Variants in GAS6 observed in about 807,000 individuals in gnomAD.
GAS6 encodes growth arrest specific 6, also known as growth arrest-specific protein 6.
In GAS6, 41 loss-of-function variants were observed where a neutral mutation model predicts 75.8. The ratio of observed to expected loss-of-function variants is 0.54; its 90% CI spans 0.42 to 0.70. GAS6 has a LOEUF of 0.70. GAS6 is among the 30% of genes least tolerant of loss of function. The pLI, the probability that GAS6 is intolerant of heterozygous loss-of-function variation, is 0.00. For missense variants in GAS6, 854 were observed against 940.2 expected, an observed-to-expected ratio of 0.91 and a Z score of 1.20; for synonymous variants, 432 against 412.6, an observed-to-expected ratio of 1.05 and a Z score of -0.57.
chr13:113,828,518 G>A lies in GAS6; in HGVS notation c.1308+29C>T, dbSNP rs112973733. On this transcript the variant is annotated intron_variant, in intron 11 of 14. Transcript: ENST00000327773. Reference sequence around the variant, plus strand: ...TTCCCGGGATCCCAGCACACGGCGCGTCTACACAGGGACAGGTACAGTACT... The same window carrying A: ...TTCCCGGGATCCCAGCACACGGCGCATCTACACAGGGACAGGTACAGTACT... 4.3e-5 allele frequency: 68 copies of A among 1,597,620 alleles called. No homozygotes were observed. The African/African-American group carries it at 4.3e-4, about 10-fold the overall frequency.
intron 2 of GAS6, among the ~76,000 whole-genome samples, chr13:113,858,557 G>A (rs903255651): frequency 3.3e-5 from 5 of 151,150 alleles, no homozygotes; most frequent in Non-Finnish European, 5.9e-5. Context: ...CTGCTAGTAT[G>A]TGCCTTTGTG....
In GAS6 at chr13:113,863,796, C is replaced by A; in HGVS notation, c.88+37G>T. On this transcript the variant is annotated intron_variant, in intron 1 of 14. Transcript: ENST00000327773. The surrounding 1 kb of genome is among the most constrained non-coding windows in gnomAD (Gnocchi z 9.4). The stretch of plus-strand genomic sequence containing the variant: ...AAGCCGCGCCCGGAGCCTCCTCCCG[C>A]CGCCCGGGGACGGGGTCTCGGGCCC... 1 of 1,398,238 alleles carries A rather than the reference C, an allele frequency of 7.2e-7. No homozygotes were observed. Among genetic ancestry groups the A allele is most frequent in the Non-Finnish European group, 9.2e-7 (1 of 1,088,042 alleles). 86.6% of individuals were successfully genotyped at this position (1,398,238 alleles called of 1,614,324 possible).
chr13:113,821,023 G>A lies in GAS6; in HGVS notation c.1883-5C>T, dbSNP rs1308498475. The A allele has an allele frequency of 1.9e-6, 3 of 1,612,148 alleles. No individual in the cohort carries two copies. The highest frequency in any genetic ancestry group is 2.2e-5 in the South Asian group (2 of 91,050). On this transcript the variant is annotated splice_region_variant and splice_polypyrimidine_tract_variant and intron_variant, in intron 14 of 14. Coordinates refer to ENST00000327773, the MANE Select transcript of GAS6 (RefSeq NM_000820.4). ...GCGCTGAAGTCACCGGCACATCTGG[G>A]CCGCAGGGAGAGAACAACATATCTT...
chr13:113,835,673 G>A (rs548714492), intron 6 of GAS6, 38 bp from the exon 7 acceptor site: 119 of 1,604,768 alleles, frequency 7.4e-5, no homozygotes, highest in Non-Finnish European at 9.3e-5. Context: ...GCAGCACAGC[G>A]GCATCTCAGA....
chr13:113,835,550 C>CTCG lies in GAS6; in HGVS notation c.672_674dup (p.Asp224dup). 6.2e-7 allele frequency: 1 copy of CTCG among 1,612,620 alleles called. No individual in the cohort carries two copies. The highest frequency in any genetic ancestry group is 1.3e-5 in the African/African-American group (1 of 75,044). On this transcript the variant is annotated inframe_insertion, in exon 7 of 15. Transcript: ENST00000327773. Reference sequence around the variant, plus strand: ...TCTCCTGGGAGCTGTACGCAAAGCCCTCGTCACAGAGGCAGGAGTAGGAGC... The same window carrying CTCG: ...TCTCCTGGGAGCTGTACGCAAAGCCCTCGTCGTCACAGAGGCAGGAGTAGGAGC...
Position 113,863,135 on chromosome 13 carries a change from C to A in GAS6, c.255+440G>T, listed in dbSNP as rs2051986385. Among the ~76,000 whole-genome samples, 3 of 152,202 alleles carry A rather than the reference C, an allele frequency of 2.0e-5. No homozygotes were observed. Among genetic ancestry groups the A allele is most frequent in the African/African-American group, 7.2e-5 (3 of 41,448 alleles). Reference sequence around the variant, plus strand: ...GGAATCTTATTTTTGGACCTGCTGCCGCAAGCAGTTCCCGCCCTCGGCCCT... The same window carrying A: ...GGAATCTTATTTTTGGACCTGCTGCAGCAAGCAGTTCCCGCCCTCGGCCCT... On this transcript the variant is annotated intron_variant, in intron 2 of 14. Transcript: ENST00000327773. This position sits in a 1 kb window ranked among gnomAD's most constrained non-coding sequence, Gnocchi z 9.4.
rs113513507 is a variant in GAS6 at position 113,824,720 on chromosome 13, G to A, written c.1478-1170C>T. On this transcript the variant is annotated intron_variant, in intron 12 of 14. Transcript: ENST00000327773. ...GTCTCTTTCCCACGGGGCTGTGTACGCCTGAAACCCACATCGCCTGTCCTG... is the reference window on the plus strand; with the variant it reads ...GTCTCTTTCCCACGGGGCTGTGTACACCTGAAACCCACATCGCCTGTCCTG... Among the ~76,000 whole-genome samples, 622 of 151,842 alleles carry A rather than the reference G, an allele frequency of 4.1e-3. 4 individuals carry two copies. The highest frequency in any genetic ancestry group is 0.014 in the African/African-American group (591 of 41,298).
intron 10 of GAS6, among the ~76,000 whole-genome samples, chr13:113,830,486 C>T (rs1186906783): frequency 3.4e-5 from 3 of 88,212 alleles, no homozygotes; most frequent in South Asian, 4.6e-4. Flanking sequence ...CCCTCCTCCC[C>T]GTGGCTCCAT....
chr13:113,823,576 G>C, intron 12 of GAS6, 26 bp from the exon 13 acceptor site: 1 of 1,594,610 alleles, frequency 6.3e-7, no homozygotes, highest in Non-Finnish European at 8.6e-7. Context: ...TGCATTATAG[G>C]GTGGTATGCA....
intron 4 of GAS6, 71 bp from the exon 5 acceptor site, chr13:113,839,921 C>T (rs200389250): frequency 8.1e-6 from 13 of 1,607,914 alleles, no homozygotes; most frequent in East Asian, 6.7e-5. Context: ...CAGCTGAGAT[C>T]GGGGCGGCTG....
intron 11 of GAS6, among the ~76,000 whole-genome samples, chr13:113,828,020 A>G (rs543319918): frequency 6.6e-6 from 1 of 152,210 alleles, no homozygotes; most frequent in Non-Finnish European, 1.5e-5. Flanking sequence ...TCACGCCTGT[A>G]ATCCCAGCAC....
Position 113,844,995 on chromosome 13 carries a change from AAAG to A in GAS6, c.343+1529_343+1531del, listed in dbSNP as rs1426372040. 1.3e-5 allele frequency: 2 copies of A among 150,112 alleles called. No homozygotes were observed. Among genetic ancestry groups the A allele is most frequent in the African/African-American group, 2.5e-5 (1 of 39,574 alleles). 9.3% of individuals were successfully genotyped at this position (150,112 alleles called of 1,614,324 possible). A position where few individuals can be genotyped will look rare whatever the true frequency, so the allele number is the denominator to read the frequency against. ...ATAACAAGTGTGAATACAGAATTTA[AAAG>A]AAGAGACTGGTTTAGCAATCACTAA... On this transcript the variant is annotated intron_variant, in intron 4 of 14. Transcript: ENST00000327773. The surrounding 1 kb of genome is among the most constrained non-coding windows in gnomAD (Gnocchi z 5.7).
At chr13:113,849,530 C>T (rs937018154) in intron 2 of GAS6, among the ~76,000 whole-genome samples, 7 of 152,124 alleles carry the variant, frequency 4.6e-5, no homozygotes, top group Non-Finnish European at 1.0e-4. Context: ...CAAAAGGTGT[C>T]CTTTCAGGTT....
At chr13:113,858,765 G>C (rs936083490) in intron 2 of GAS6, among the ~76,000 whole-genome samples, 2 of 151,954 alleles carry the variant, frequency 1.3e-5, no homozygotes, top group African/African-American at 4.8e-5. Context: ...GTGTGTGCGT[G>C]TCATTATGCA....
rs778121830 is a variant in GAS6 at position 113,844,998 on chromosome 13, G to A, written c.343+1529C>T. ...ACAAGTGTGAATACAGAATTTAAAA[G>A]AAGAGACTGGTTTAGCAATCACTAA... On this transcript the variant is annotated intron_variant, in intron 4 of 14. Coordinates refer to ENST00000327773, the MANE Select transcript of GAS6 (RefSeq NM_000820.4). This position sits in a 1 kb window ranked among gnomAD's most constrained non-coding sequence, Gnocchi z 5.7. 6.7e-6 allele frequency: 1 copy of A among 149,914 alleles called. No homozygotes were observed. The highest frequency in any genetic ancestry group is 1.5e-5 in the Non-Finnish European group (1 of 67,986). 9.3% of individuals were successfully genotyped at this position (149,914 alleles called of 1,614,324 possible).
chr13:113,830,119 A>C (rs907443519), intron 10 of GAS6, among the ~76,000 whole-genome samples: 1 of 152,274 alleles, frequency 6.6e-6, no homozygotes, highest in Non-Finnish European at 1.5e-5. Context: ...TGCTAGATAC[A>C]CTATATTCCT....
intron 10 of GAS6, 113 bp downstream of exon 10, chr13:113,832,186 G>T (rs2138630417): frequency 8.2e-7 from 1 of 1,215,266 alleles, no homozygotes; most frequent in Non-Finnish European, 1.1e-6. Context: ...CCGGCACGCA[G>T]CAGATGCAGG....
At chr13:113,828,230 C>G (rs1171910879) in intron 11 of GAS6, among the ~76,000 whole-genome samples, 2 of 152,086 alleles carry the variant, frequency 1.3e-5, no homozygotes, top group African/African-American at 2.4e-5. Flanking sequence ...CGCCACTGCA[C>G]TCCAGCCTGG....
At chr13:113,860,758 A>G (rs548992988) in intron 2 of GAS6, among the ~76,000 whole-genome samples, 2 of 152,128 alleles carry the variant, frequency 1.3e-5, no homozygotes, top group African/African-American at 4.8e-5. Context: ...GGGGAGGGGC[A>G]CGGCTCCAGC....
Sources: gnomAD v4.1 joint callset for allele counts (sites outside exome capture counted in the v4.1 genomes callset) on GRCh38, gnomAD v4.1.1 for gene constraint, Gnocchi (gnomAD v3.1) non-coding constraint, MANE v1.5 for transcripts, NCBI Gene and HGNC (gene_info 2026-07-23, HGNC 2026-07-21) for gene names.